Variants in PARVA observed in about 807,000 individuals in gnomAD.
PARVA encodes parvin alpha.
Under a neutral mutation model 52.6 loss-of-function variants are expected in PARVA, and 25 were observed. The ratio of observed to expected loss-of-function variants is 0.48; its 90% CI spans 0.35 to 0.66. The LOEUF (loss-of-function observed/expected upper bound fraction) is 0.66, where lower values mean the gene tolerates loss of function less well. Ranked by LOEUF, PARVA falls within the 30% of genes least tolerant of loss-of-function variation. PARVA has a pLI of 0.01. For synonymous variants in PARVA, 185 were observed against 179.1 expected, an observed-to-expected ratio of 1.03 and a Z score of -0.26; for missense variants, 373 against 450.9, an observed-to-expected ratio of 0.83 and a Z score of 1.56.
At chr11:12,449,223 G>A (rs551354867) in intron 1 of PARVA, among the ~76,000 whole-genome samples, 182 of 151,880 alleles carry the variant, frequency 1.2e-3, no homozygotes, top group African/African-American at 4.2e-3. Context: ...GCGCAATCTC[G>A]GCTCACTGCA....
intron 4 of PARVA, among the ~76,000 whole-genome samples, chr11:12,481,346 CT>C (rs957452169): frequency 2.6e-5 from 4 of 151,868 alleles, no homozygotes; most frequent in African/African-American, 9.7e-5. Flanking sequence ...TTATCGTTCA[CT>C]TTTTTGCTCA....
At chr11:12,431,280 G>A (rs1299961346) in intron 1 of PARVA, among the ~76,000 whole-genome samples, 1 of 152,222 alleles carries the variant, frequency 6.6e-6, no homozygotes, top group Admixed American at 6.5e-5. Context: ...ACTGGATAGT[G>A]CCTGGATGTT....
At chr11:12,451,153 T>C (rs1190829133) in intron 1 of PARVA, among the ~76,000 whole-genome samples, 1 of 152,182 alleles carries the variant, frequency 6.6e-6, no homozygotes, top group Admixed American at 6.5e-5. Context: ...GCTCTTTCTT[T>C]CCACTAGACC....
intron 1 of PARVA, among the ~76,000 whole-genome samples, chr11:12,471,027 T>G (rs566058886): frequency 5.1e-4 from 78 of 152,324 alleles, no homozygotes; most frequent in Non-Finnish European, 2.9e-5. Context: ...CCCACAATAC[T>G]TGCCAGTGTT....
chr11:12,484,184 C>T (rs1346062160), intron 4 of PARVA, among the ~76,000 whole-genome samples: 1 of 152,188 alleles, frequency 6.6e-6, no homozygotes, highest in East Asian at 1.9e-4. Flanking sequence ...TAAGCGATTC[C>T]AGGAAGATGC....
At chr11:12,446,705 T>C (rs1940552565) in intron 1 of PARVA, among the ~76,000 whole-genome samples, 1 of 152,198 alleles carries the variant, frequency 6.6e-6, no homozygotes, top group Non-Finnish European at 1.5e-5. Context: ...GCAGTAATGA[T>C]TGTCATCATG....
chr11:12,480,314 T>G (rs1359979983), intron 4 of PARVA: 1 of 151,924 alleles, frequency 6.6e-6, no homozygotes, highest in Non-Finnish European at 1.5e-5. Flanking sequence ...ACATCAGTAT[T>G]AATGAGTGTT....
At chr11:12,446,612 A>G (rs746143029) in intron 1 of PARVA, among the ~76,000 whole-genome samples, 1 of 152,256 alleles carries the variant, frequency 6.6e-6, no homozygotes, top group South Asian at 2.1e-4. Context: ...GGATCAATGA[A>G]TATTATTAAA....
intron 10 of PARVA, 130 bp from the exon 11 acceptor site, chr11:12,517,480 T>C: frequency 1.4e-6 from 1 of 694,258 alleles, no homozygotes; most frequent in South Asian, 1.7e-5. Flanking sequence ...CCACTGCCCC[T>C]ACCCCCGAGC....
In PARVA at chr11:12,517,277, A is replaced by C. The variant is rs560685308; in HGVS notation, c.868-333A>C. Among the ~76,000 whole-genome samples the C allele has an allele frequency of 3.3e-3, 494 of 151,234 alleles. 4 individuals carry two copies. Among genetic ancestry groups the C allele is most frequent in the African/African-American group, 0.011 (462 of 41,094 alleles). On this transcript the variant is annotated intron_variant, in intron 10 of 12. Coordinates refer to ENST00000334956, the MANE Select transcript of PARVA (RefSeq NM_018222.5). ...CACCAGTTTCCCTATTAGACTGTGT[A>C]CTCCTCCAGGGCAGGAGCCACACTG...
intron 12 of PARVA, among the ~76,000 whole-genome samples, chr11:12,521,611 T>G (rs1378272356): frequency 1.3e-5 from 2 of 152,206 alleles, no homozygotes; most frequent in East Asian, 3.8e-4. Context: ...TCATGTGTTA[T>G]CTTACATGGC....
intron 1 of PARVA, among the ~76,000 whole-genome samples, chr11:12,460,910 C>T (rs1216094264): frequency 6.6e-6 from 1 of 152,166 alleles, no homozygotes. Context: ...GCCTGTGGCT[C>T]CAAAACGCTC....
chr11:12,388,368 C>G (rs1353013310), intron 1 of PARVA, among the ~76,000 whole-genome samples: 4 of 152,340 alleles, frequency 2.6e-5, no homozygotes, highest in Non-Finnish European at 4.4e-5. Flanking sequence ...CCTTAGTAAA[C>G]CGACACGTGA....
intron 10 of PARVA, among the ~76,000 whole-genome samples, chr11:12,514,776 G>A (rs531488803): frequency 2.0e-5 from 3 of 152,330 alleles, no homozygotes; most frequent in African/African-American, 7.2e-5. Context: ...ATGAGCCACC[G>A]CACCCAGCTG....
chr11:12,492,222 T>C (rs1259385037), intron 4 of PARVA, among the ~76,000 whole-genome samples: 2 of 152,206 alleles, frequency 1.3e-5, no homozygotes, highest in Non-Finnish European at 2.9e-5. Context: ...CATTGTTTTC[T>C]ATATATAATC....
At chr11:12,500,938 C>T (rs1337587140) in intron 5 of PARVA, among the ~76,000 whole-genome samples, 1 of 151,980 alleles carries the variant, frequency 6.6e-6, no homozygotes, top group Non-Finnish European at 1.5e-5. Context: ...GTGAAACTCC[C>T]TCTTTACTAA....
chr11:12,514,086 C>T, intron 10 of PARVA, 21 bp downstream of exon 10: 2 of 1,587,004 alleles, frequency 1.3e-6, no homozygotes, highest in Non-Finnish European at 1.7e-6. Context: ...GACCCCAGCA[C>T]AGGTAGAGGC....
At chr11:12,409,160 C>A (rs1424432548) in intron 1 of PARVA, among the ~76,000 whole-genome samples, 1 of 152,158 alleles carries the variant, frequency 6.6e-6, no homozygotes, top group African/African-American at 2.4e-5. Context: ...GTTCTGGTTT[C>A]TTAACAGTGC....
intron 1 of PARVA, among the ~76,000 whole-genome samples, chr11:12,452,420 A>G (rs1439652843): frequency 6.6e-6 from 1 of 152,148 alleles, no homozygotes; most frequent in Non-Finnish European, 1.5e-5. Context: ...AGTTTAAGTT[A>G]TCTCACCTGA....
Sources: gnomAD v4.1 joint callset for allele counts (sites outside exome capture counted in the v4.1 genomes callset) on GRCh38, gnomAD v4.1.1 for gene constraint, MANE v1.5 for transcripts, NCBI Gene and HGNC (gene_info 2026-07-23, HGNC 2026-07-21) for gene names.